The following STPG1 variants were observed in gnomAD, a reference collection of about 807,000 sequenced individuals.
STPG1 encodes O(6)-methylguanine-induced apoptosis 2.
In STPG1, 33 loss-of-function variants were observed where a neutral mutation model predicts 40.1. The ratio of observed to expected loss-of-function variants is 0.82; its 90% CI spans 0.62 to 1.10. The LOEUF (loss-of-function observed/expected upper bound fraction) is 1.10. STPG1 is among the 50% of genes least tolerant of loss of function. STPG1 has a pLI of 0.00. For synonymous variants in STPG1, 150 were observed against 155.0 expected (o/e 0.97, Z 0.24); for missense variants, 396 against 415.1 (o/e 0.95, Z 0.40).
At chr1:24,396,251 A>C (rs1056467084) in intron 2 of STPG1, among the ~76,000 whole-genome samples, 8 of 146,886 alleles carry the variant, frequency 5.4e-5, no homozygotes, top group Admixed American at 1.4e-4. Context: ...ATATCTGTCT[A>C]TCTATCTATC....
intron 1 of STPG1, among the ~76,000 whole-genome samples, chr1:24,409,053 A>C (rs1244370430): frequency 6.6e-6 from 1 of 152,196 alleles, no homozygotes; most frequent in South Asian, 2.1e-4. Flanking sequence ...CAGCTTAACA[A>C]GGTCTTTTAG....
At chr1:24,389,099 A>G (rs1642637693) in intron 3 of STPG1, among the ~76,000 whole-genome samples, 1 of 152,220 alleles carries the variant, frequency 6.6e-6, no homozygotes, top group African/African-American at 2.4e-5. Context: ...GTTGGAACCC[A>G]ATCTCTGAGC....
chr1:24,381,164 G>A (rs1204579749), intron 4 of STPG1, among the ~76,000 whole-genome samples: 1 of 152,148 alleles, frequency 6.6e-6, no homozygotes, highest in East Asian at 1.9e-4. Flanking sequence ...ATGGATCAGA[G>A]AGCCCATTCT....
chr1:24,386,662 C>T (rs1291298735), intron 3 of STPG1, among the ~76,000 whole-genome samples: 2 of 152,164 alleles, frequency 1.3e-5, no homozygotes, highest in African/African-American at 4.8e-5. Context: ...TAGAGGTGGG[C>T]GGATGCCACC....
chr1:24,371,660 C>T (rs1432891111), intron 6 of STPG1, among the ~76,000 whole-genome samples: 1 of 151,544 alleles, frequency 6.6e-6, no homozygotes, highest in Non-Finnish European at 1.5e-5. Flanking sequence ...GCAGCATTTA[C>T]AATACTGGAT....
At chr1:24,365,638 G>A (rs1282607766) in intron 7 of STPG1, among the ~76,000 whole-genome samples, 2 of 152,238 alleles carry the variant, frequency 1.3e-5, no homozygotes, top group Non-Finnish European at 2.9e-5. Flanking sequence ...GCCCTGCGGG[G>A]CCACACTAGA....
intron 3 of STPG1, among the ~76,000 whole-genome samples, chr1:24,390,808 T>C (rs1366537271): frequency 6.6e-6 from 1 of 151,826 alleles, no homozygotes; most frequent in Non-Finnish European, 1.5e-5. Context: ...AATTTTTTTT[T>C]TTTTAATTTC....
chr1:24,392,460 CT>C (rs1377283246), intron 2 of STPG1, among the ~76,000 whole-genome samples: 1 of 152,232 alleles, frequency 6.6e-6, no homozygotes, highest in African/African-American at 2.4e-5. Context: ...TCATTCCCTT[CT>C]GCCCTACCAC....
intron 7 of STPG1, 180 bp downstream of exon 7, chr1:24,369,494 A>C: frequency 2.8e-6 from 2 of 710,032 alleles, no homozygotes; most frequent in Non-Finnish European, 5.1e-6. Flanking sequence ...GTGGTTGCTC[A>C]ATAAGTATCA....
At chr1:24,385,859 T>A (rs2477303) in intron 3 of STPG1, among the ~76,000 whole-genome samples, 29,504 of 152,192 alleles carry the variant, frequency 0.19, 3,246 homozygotes, top group East Asian at 0.3. Flanking sequence ...GTCCAAGGTG[T>A]TGGGCCTTGG....
chr1:24,364,147 A>G, intron 7 of STPG1: 1 of 1,470,140 alleles, frequency 6.8e-7, no homozygotes, highest in Non-Finnish European at 9.0e-7. Context: ...TTCCCTGCAA[A>G]CTCGAATTCA....
intron 7 of STPG1, chr1:24,369,457 A>T (rs1435352656): frequency 1.5e-6 from 1 of 685,312 alleles, no homozygotes; most frequent in Non-Finnish European, 2.7e-6. Flanking sequence ...ATAATAATTG[A>T]ATACAATTTT....
intron 6 of STPG1, among the ~76,000 whole-genome samples, chr1:24,373,065 C>A (rs576557367): frequency 6.6e-6 from 1 of 152,080 alleles, no homozygotes; most frequent in Admixed American, 6.5e-5. Context: ...TTAGTGAGAC[C>A]CCTCTGGGCT....
intron 7 of STPG1, chr1:24,368,596 A>T (rs996258766): frequency 4.6e-5 from 7 of 152,216 alleles, no homozygotes; most frequent in African/African-American, 1.7e-4. Flanking sequence ...AGTAATATAA[A>T]ATGTGTAGGA....
chr1:24,366,119 G>C (rs1367793321), intron 7 of STPG1, among the ~76,000 whole-genome samples: 2 of 152,164 alleles, frequency 1.3e-5, no homozygotes, highest in Admixed American at 1.3e-4. Context: ...CATTTCTGTA[G>C]CTGTAACTCT....
chr1:24,371,279 C>A (rs986270662), intron 6 of STPG1, among the ~76,000 whole-genome samples: 6 of 152,066 alleles, frequency 3.9e-5, no homozygotes, highest in Non-Finnish European at 8.8e-5. Flanking sequence ...AGGATTTTTA[C>A]TAACATGAAA....
Position 24,360,839 on chromosome 1 carries a change from C to T in STPG1, c.928+12G>A. The T allele has an allele frequency of 6.3e-7, 1 of 1,594,392 alleles. No homozygotes were observed. Among genetic ancestry groups the T allele is most frequent in the African/African-American group, 1.4e-5 (1 of 73,914 alleles). On this transcript the variant is annotated intron_variant, in intron 8 of 8. Coordinates refer to ENST00000337248, the MANE Select transcript of STPG1 (RefSeq NM_001199013.2). ...ATTTGGTTTTTACAATCATTTAAAA[C>T]AATCCTCTGACCTGGGCCAGGCAGG...
At position 24,379,495 on chromosome 1, in the gene STPG1, G is replaced by C. The variant is rs1642183873; in HGVS notation, c.462+158C>G. 6.8e-6 allele frequency: 5 copies of C among 735,874 alleles called. No homozygotes were observed. In the South Asian group the frequency reaches 9.1e-5, roughly 13 times the overall value. 45.6% of individuals were successfully genotyped at this position (735,874 alleles called of 1,614,324 possible). A position where few individuals can be genotyped will look rare whatever the true frequency, so the allele number is the denominator to read the frequency against. On this transcript the variant is annotated intron_variant, in intron 5 of 8. Coordinates refer to ENST00000337248, the MANE Select transcript of STPG1 (RefSeq NM_001199013.2). ...TCTGGGGTCTGCAAATTCCCTGTAA[G>C]AGTCTTGTACAGCCTTAGGCACCCA... is the stretch of plus-strand genomic sequence containing the variant.
intron 5 of STPG1, among the ~76,000 whole-genome samples, chr1:24,374,923 G>C (rs1403458716): frequency 6.6e-6 from 1 of 152,144 alleles, no homozygotes; most frequent in Admixed American, 6.5e-5. Flanking sequence ...ACTGCACCTG[G>C]TTTTCTACTA....
Sources: gnomAD v4.1 joint callset for allele counts (sites outside exome capture counted in the v4.1 genomes callset) on GRCh38, gnomAD v4.1.1 for gene constraint, MANE v1.5 for transcripts, NCBI Gene and HGNC (gene_info 2026-07-23, HGNC 2026-07-21) for gene names.